IL1RAPL1: variants seen among roughly 807,000 people sequenced by gnomAD.
IL1RAPL1 encodes interleukin 1 receptor accessory protein like 1, also known as interleukin-1 receptor accessory protein-like 1.
Under a neutral mutation model 48.4 loss-of-function variants are expected in IL1RAPL1, and 3 were observed. The ratio of observed to expected loss-of-function variants is 0.06; its 90% confidence interval spans 0.03 to 0.16. IL1RAPL1 has a LOEUF of 0.16. Ranked by LOEUF, IL1RAPL1 falls within the 10% of genes least tolerant of loss-of-function variation. IL1RAPL1 has a pLI of 1.00. For synonymous variants in IL1RAPL1, 185 were observed against 187.7 expected (o/e 0.99, Z 0.12); for missense variants, 349 against 530.6 (o/e 0.66, Z 3.36).
At chrX:29,783,668 A>G (rs967176366) in intron 6 of IL1RAPL1, among the ~76,000 whole-genome samples, 4 of 112,019 alleles carry the variant, frequency 3.6e-5, no homozygotes, top group African/African-American at 9.7e-5. Context: ...ATAAAATACT[A>G]TCTCCCACAA....
intron 1 of IL1RAPL1, among the ~76,000 whole-genome samples, chrX:28,724,990 C>G (rs1298919715): frequency 9.8e-6 from 1 of 101,561 alleles, no homozygotes; most frequent in Non-Finnish European, 2.0e-5. Flanking sequence ...CTCACTCTGT[C>G]CCCCAGGCTG....
intron 3 of IL1RAPL1, among the ~76,000 whole-genome samples, chrX:29,298,394 A>T (rs1932480115): frequency 8.9e-6 from 1 of 111,876 alleles, no homozygotes; most frequent in Non-Finnish European, 1.9e-5. Context: ...ACCTCTTCAA[A>T]CTGAAATCTG....
At chrX:29,070,821 GAAA>G (rs1201058085) in intron 2 of IL1RAPL1, among the ~76,000 whole-genome samples, 2 of 111,317 alleles carry the variant, frequency 1.8e-5, no homozygotes, top group Non-Finnish European at 3.8e-5. Flanking sequence ...CTTGTATACA[GAAA>G]AAAAGTGTTT....
chrX:28,884,735 A>G (rs1433888323), intron 2 of IL1RAPL1, among the ~76,000 whole-genome samples: 13 of 112,177 alleles, frequency 1.2e-4, no homozygotes, highest in Admixed American at 3.8e-4. Context: ...TGATCAGATA[A>G]CATACCTTAT....
chrX:28,680,668 T>C (rs1033487271), intron 1 of IL1RAPL1, among the ~76,000 whole-genome samples: 3 of 111,806 alleles, frequency 2.7e-5, no homozygotes, highest in Admixed American at 1.9e-4. Context: ...AAATCATGAA[T>C]GGATGTTAAA....
intron 6 of IL1RAPL1, among the ~76,000 whole-genome samples, chrX:29,673,473 C>T (rs140123403): frequency 0.017 from 1,852 of 110,991 alleles, 28 homozygotes; most frequent in African/African-American, 0.052. Flanking sequence ...TTGATTTTAC[C>T]GGATCATAGA....
At position 28,687,500 on chromosome X, in the gene IL1RAPL1, G is replaced by A. The variant is rs562958136; in HGVS notation, c.-25+99453G>A. On this transcript the variant is annotated intron_variant, in intron 1 of 10. Transcript: ENST00000378993. Reference sequence around the variant, plus strand: ...TGAACAACTACTTGAAGAAAATATGGGGCCGGGCGCGGTGGCTCAAGCCTG... The same window carrying A: ...TGAACAACTACTTGAAGAAAATATGAGGCCGGGCGCGGTGGCTCAAGCCTG... Among the ~76,000 whole-genome samples, 88 of 112,146 alleles carry A rather than the reference G, an allele frequency of 7.8e-4. 1 individual carries two copies. In the South Asian group the frequency reaches 0.029, roughly 37 times the overall value.
intron 2 of IL1RAPL1, among the ~76,000 whole-genome samples, chrX:29,193,577 A>G (rs1930390111): frequency 9.0e-6 from 1 of 110,979 alleles, no homozygotes; most frequent in South Asian, 3.8e-4. Context: ...CAATTGAAAT[A>G]TAGAATTATT....
chrX:28,857,501 A>C (rs1921834021), intron 2 of IL1RAPL1, among the ~76,000 whole-genome samples: 1 of 111,272 alleles, frequency 9.0e-6, no homozygotes, highest in Non-Finnish European at 1.9e-5. Context: ...TGATGATTTT[A>C]AGTTGAAGCA....
At chrX:28,934,133 A>G (rs981073372) in intron 2 of IL1RAPL1, among the ~76,000 whole-genome samples, 2 of 111,001 alleles carry the variant, frequency 1.8e-5, no homozygotes, top group African/African-American at 6.6e-5. Flanking sequence ...GATGCAGCCC[A>G]GTAGGTCTCA....
intron 5 of IL1RAPL1, among the ~76,000 whole-genome samples, chrX:29,519,490 T>C (rs1180390389): frequency 1.8e-5 from 2 of 111,841 alleles, no homozygotes; most frequent in Non-Finnish European, 3.8e-5. Flanking sequence ...CAGCTGGTTA[T>C]GTGTTTACTT....
intron 1 of IL1RAPL1, among the ~76,000 whole-genome samples, chrX:28,730,821 A>C (rs774954606): frequency 8.9e-6 from 1 of 112,157 alleles, no homozygotes; most frequent in Non-Finnish European, 1.9e-5. Context: ...AATAGTTTTA[A>C]TGAATGCCTA....
Position 28,897,702 on chromosome X carries a change from C to T in IL1RAPL1, c.82+108277C>T, listed in dbSNP as rs1242763537. On this transcript the variant is annotated intron_variant, in intron 2 of 10. Coordinates refer to ENST00000378993, the MANE Select transcript of IL1RAPL1 (RefSeq NM_014271.4). ...GTTCCCCCCTCCCCGATCTGAGTCACGGCACCAAATTTCACTCGCGTCTGT... is the reference window on the plus strand; with the variant it reads ...GTTCCCCCCTCCCCGATCTGAGTCATGGCACCAAATTTCACTCGCGTCTGT... Among the ~76,000 whole-genome samples, 7 of 111,962 alleles carry T rather than the reference C, an allele frequency of 6.3e-5. No homozygotes were observed. In the East Asian group the frequency reaches 1.4e-3, roughly 23 times the overall value.
At chrX:29,594,311 G>A (rs1400873639) in intron 5 of IL1RAPL1, among the ~76,000 whole-genome samples, 1 of 111,657 alleles carries the variant, frequency 9.0e-6, no homozygotes, top group African/African-American at 3.3e-5. Flanking sequence ...GCTATAAGTT[G>A]TACTTCTCTG....
chrX:28,651,966 A>G (rs1417112793), intron 1 of IL1RAPL1, among the ~76,000 whole-genome samples: 2 of 111,798 alleles, frequency 1.8e-5, no homozygotes, highest in Non-Finnish European at 3.8e-5. Context: ...TCCCTCCACA[A>G]GAACATTTCC....
intron 2 of IL1RAPL1, among the ~76,000 whole-genome samples, chrX:29,222,462 C>T (rs1283185705): frequency 8.9e-6 from 1 of 111,864 alleles, no homozygotes; most frequent in Non-Finnish European, 1.9e-5. Flanking sequence ...GAACTTAATG[C>T]TAGGTCAATA....
chrX:28,674,923 C>T (rs953690121), intron 1 of IL1RAPL1, among the ~76,000 whole-genome samples: 68 of 111,730 alleles, frequency 6.1e-4, no homozygotes, highest in African/African-American at 2.1e-3. Context: ...ATACCCAAAT[C>T]TCTAGACACT....
At chrX:28,843,213 C>T (rs895906735) in intron 2 of IL1RAPL1, among the ~76,000 whole-genome samples, 2 of 107,574 alleles carry the variant, frequency 1.9e-5, no homozygotes, top group African/African-American at 3.4e-5. Context: ...GATAATCCCT[C>T]GCTATCGGGA....
chrX:29,069,592 C>T (rs1468198927), intron 2 of IL1RAPL1, among the ~76,000 whole-genome samples: 1 of 106,386 alleles, frequency 9.4e-6, no homozygotes, highest in African/African-American at 3.4e-5. Context: ...CACATTTGCT[C>T]ACCATGCCCC....
Sources: gnomAD v4.1 joint callset for allele counts (sites outside exome capture counted in the v4.1 genomes callset) on GRCh38, gnomAD v4.1.1 for gene constraint, MANE v1.5 for transcripts, NCBI Gene and HGNC (gene_info 2026-07-23, HGNC 2026-07-21) for gene names.